The following OCRL variants were observed in gnomAD, a reference collection of about 807,000 sequenced individuals.
OCRL encodes the protein inositol polyphosphate 5-phosphatase OCRL.
Under a neutral mutation model 78.9 loss-of-function variants are expected in OCRL, and 8 were observed. The observed-to-expected ratio is 0.10, with a 90% CI of 0.06 to 0.18. The LOEUF is 0.18. Ranked by LOEUF, OCRL falls within the 10% of genes least tolerant of loss-of-function variation. The probability of loss-of-function intolerance (pLI) is 1.00; values close to 1 mark genes in which losing one functional copy is unlikely to be tolerated. For synonymous variants in OCRL, 240 were observed against 235.4 expected (o/e 1.02, Z -0.18); for missense variants, 454 against 696.7 (o/e 0.65, Z 3.92).
intron 4 of OCRL, among the ~76,000 whole-genome samples, chrX:129,552,835 A>C (rs1224356747): frequency 8.9e-6 from 1 of 112,769 alleles, no homozygotes; most frequent in Non-Finnish European, 1.9e-5. Flanking sequence ...ATGATATTCA[A>C]AATCATAAGA....
chrX:129,563,479 A>G (rs1464451630), intron 12 of OCRL, among the ~76,000 whole-genome samples: 1 of 112,086 alleles, frequency 8.9e-6, no homozygotes, highest in Non-Finnish European at 1.9e-5. Flanking sequence ...TTATAATTCT[A>G]TTAAATAGCA....
chrX:129,590,031 T>C (rs1248028383), intron 23 of OCRL, 75 bp downstream of exon 23: 1 of 1,136,209 alleles, frequency 8.8e-7, no homozygotes, highest in African/African-American at 1.8e-5. Context: ...TATACCTTAC[T>C]GCATATGCAG....
intron 3 of OCRL, among the ~76,000 whole-genome samples, chrX:129,548,197 T>G (rs939163829): frequency 8.9e-6 from 1 of 112,077 alleles, no homozygotes; most frequent in East Asian, 2.8e-4. Context: ...TAAAGAAGTA[T>G]CTAAAGGACC....
Position 129,552,574 on chromosome X carries a change from G to A in OCRL, c.238+3973G>A, listed in dbSNP as rs568482353. Among the ~76,000 whole-genome samples, 47 of 111,752 alleles carry A rather than the reference G, an allele frequency of 4.2e-4. No individual in the cohort carries two copies. The South Asian group carries it at 0.017, about 39-fold the overall frequency. ...TGAGTAGCTGGGATTACAGGCACCC[G>A]CCACCACGCCCAGCTGATTTTTGTA... On this transcript the variant is annotated intron_variant, in intron 4 of 23. Transcript: ENST00000371113.
intron 3 of OCRL, among the ~76,000 whole-genome samples, chrX:129,545,974 A>G (rs183123072): frequency 3.0e-4 from 34 of 111,552 alleles, no homozygotes; most frequent in Non-Finnish European, 5.5e-4. Flanking sequence ...TCGGCCTCCA[A>G]AAGTGCTGGG....
At position 129,559,069 on chromosome X, in the gene OCRL, T is replaced by G. The variant is rs942870139; in HGVS notation, c.722+68T>G. ...TATAACAGACAGTGGCCTGTTGATA[T>G]TTAAGACATTAGCCTAATTAAGAAT... On this transcript the variant is annotated intron_variant, in intron 8 of 23. Transcript: ENST00000371113. 3.1e-6 allele frequency: 3 copies of G among 959,029 alleles called. No individual in the cohort carries two copies. In the African/African-American group the frequency reaches 5.8e-5, roughly 19 times the overall value. 79.0% of individuals were successfully genotyped at this position (959,029 alleles called of 1,213,427 possible). A position where few individuals can be genotyped will look rare whatever the true frequency, so the allele number is the denominator to read the frequency against.
At position 129,584,354 on chromosome X, in the gene OCRL, G is replaced by A. The variant is rs1158493841; in HGVS notation, c.2126G>A (p.Ser709Asn). 1 of 1,208,401 alleles carries A rather than the reference G, an allele frequency of 8.3e-7. No individual in the cohort carries two copies. Among genetic ancestry groups the A allele is most frequent in the South Asian group, 1.8e-5 (1 of 56,883 alleles). The change falls in exon 19 of 24, where the codon AGC (serine) becomes AAC (asparagine). Residue 709 changes from serine to asparagine, a missense_variant. Ser to Asn is a conservative substitution (Grantham distance 46, BLOSUM62 1). Around this residue, in one of 2 missense-constraint regions of OCRL, gnomAD observed 277 missense variants for 517.1 expected, o/e 0.54. Coordinates refer to ENST00000371113, the MANE Select transcript of OCRL (RefSeq NM_000276.4). ...CTGCTCCGCTCTCAGGAAGAAGACA[G>A]CTTCCTAGAAAAGGTAATGCAATCC... ...VTKLIDLEED[S>N]FLEKEKSLLQ...
Position 129,548,336 on chromosome X carries a change from T to A in OCRL, c.200-227T>A, listed in dbSNP as rs759261831. Among the ~76,000 whole-genome samples the A allele has an allele frequency of 4.4e-5, 5 of 112,451 alleles. No individual in the cohort carries two copies. The South Asian group carries it at 1.9e-3, about 42-fold the overall frequency. On this transcript the variant is annotated intron_variant, in intron 3 of 23. Transcript: ENST00000371113. ...CTTTGAGGAGTTCCATTTGGTTACT[T>A]CTTCAGTTCATTTTTATTTTAGTTG...
At chrX:129,589,160 C>A in intron 22 of OCRL, 147 bp downstream of exon 22, 1 of 627,174 alleles carries the variant, frequency 1.6e-6, no homozygotes, top group Non-Finnish European at 2.6e-6. Context: ...TTGAGAGTTG[C>A]TACCCTTAAA....
intron 6 of OCRL, 136 bp from the exon 7 acceptor site, chrX:129,558,493 CAAGT>C: frequency 2.9e-6 from 2 of 694,183 alleles, no homozygotes; most frequent in East Asian, 3.3e-5. Flanking sequence ...AACTCCAATC[CAAGT>C]AATTTCTACC....
chrX:129,540,899 C>T, intron 2 of OCRL, 76 bp downstream of exon 2: 3 of 845,622 alleles, frequency 3.5e-6, no homozygotes, highest in Non-Finnish European at 5.3e-6. Flanking sequence ...ACGGGTCACC[C>T]ACTGTCCTCC....
intron 19 of OCRL, among the ~76,000 whole-genome samples, chrX:129,584,672 G>C (rs1002700653): frequency 8.0e-5 from 9 of 111,993 alleles, no homozygotes; most frequent in Admixed American, 2.8e-4. Context: ...GAATTGGAGG[G>C]GGGTACCAGT....
intron 13 of OCRL, among the ~76,000 whole-genome samples, chrX:129,566,098 A>G (rs1474393367): frequency 8.9e-6 from 1 of 112,342 alleles, no homozygotes; most frequent in Non-Finnish European, 1.9e-5. Flanking sequence ...GATAAAAAGT[A>G]AATACAACAT....
At chrX:129,582,893 C>G (rs1936463474) in intron 18 of OCRL, among the ~76,000 whole-genome samples, 1 of 111,726 alleles carries the variant, frequency 9.0e-6, no homozygotes, top group Non-Finnish European at 1.9e-5. Context: ...ACTCCCAGCT[C>G]CTGTGCATCT....
At chrX:129,565,926 A>G (rs996425721) in intron 13 of OCRL, 43 bp downstream of exon 13, 3 of 899,022 alleles carry the variant, frequency 3.3e-6, no homozygotes, top group African/African-American at 3.9e-5. Flanking sequence ...TAGATGGGAG[A>G]TGAGATTGTT....
chrX:129,587,180 A>G (rs1035219119), intron 20 of OCRL, 62 bp downstream of exon 20: 15 of 703,256 alleles, frequency 2.1e-5, no homozygotes, highest in African/African-American at 6.4e-5. Flanking sequence ...AGGAAATCAC[A>G]ACACCTCACG....
At chrX:129,563,798 C>CAGG (rs1204949525) in intron 12 of OCRL, among the ~76,000 whole-genome samples, 1 of 110,833 alleles carries the variant, frequency 9.0e-6, no homozygotes, top group Non-Finnish European at 1.9e-5. Flanking sequence ...CATTACCATT[C>CAGG]AGGACATAGG....
At chrX:129,543,274 TACTC>T (rs1398633346) in intron 2 of OCRL, among the ~76,000 whole-genome samples, 3 of 112,909 alleles carry the variant, frequency 2.7e-5, no homozygotes, top group South Asian at 3.6e-4. Context: ...ACGTAGTAAA[TACTC>T]AATAAATGTT....
At chrX:129,586,813 A>G (rs1936516471) in intron 19 of OCRL, 189 bp from the exon 20 acceptor site, 1 of 547,692 alleles carries the variant, frequency 1.8e-6, no homozygotes, top group Non-Finnish European at 3.3e-6. Context: ...AGGAAAGGAC[A>G]TCCTTTAACT....
Sources: gnomAD v4.1 joint callset for allele counts (sites outside exome capture counted in the v4.1 genomes callset) on GRCh38, gnomAD v4.1.1 for gene constraint, gnomAD v4.1.1 regional missense constraint, MANE v1.5 for transcripts, NCBI Gene and HGNC (gene_info 2026-07-23, HGNC 2026-07-21) for gene names.